Variants in ZSWIM6 observed in about 807,000 individuals in gnomAD.
ZSWIM6 encodes the protein zinc finger SWIM-type containing 6.
Under a neutral mutation model 113.2 loss-of-function variants are expected in ZSWIM6, and 9 were observed. The observed-to-expected ratio is 0.08, with a 90% confidence interval of 0.05 to 0.14. The LOEUF (loss-of-function observed/expected upper bound fraction) is 0.14. Among genes scored for constraint, ZSWIM6 ranks in the 10% least tolerant of loss-of-function variants. The pLI is 1.00. For synonymous variants in ZSWIM6, 611 were observed against 606.5 expected (o/e 1.01, Z -0.11); for missense variants, 1,162 against 1,552.2 (o/e 0.75, Z 4.22).
chr5:61,505,835 A>G (rs1323373016), intron 4 of ZSWIM6, among the ~76,000 whole-genome samples: 2 of 149,016 alleles, frequency 1.3e-5, no homozygotes, highest in African/African-American at 5.0e-5. Context: ...TGTAAGCTCC[A>G]CCTCCCTGGT....
At position 61,332,534 on chromosome 5, in the gene ZSWIM6, A is replaced by C; in HGVS notation, c.262A>C (p.Lys88Gln). 7.5e-7 allele frequency: 1 copy of C among 1,338,266 alleles called. No individual in the cohort carries two copies. The highest frequency in any genetic ancestry group is 9.8e-7 in the Non-Finnish European group (1 of 1,016,690). The allele number at this position is 1,338,266 out of a possible 1,614,324, so 82.9% of individuals were successfully genotyped here. A position where few individuals can be genotyped will look rare whatever the true frequency, so the allele number is the denominator to read the frequency against. Residue 88 changes from lysine (K) to glutamine (Q), a missense_variant, in exon 1 of 14, where the codon AAG becomes CAG. By Grantham distance (53) the Lys-to-Gln change is moderately conservative. Around this residue, in one of 4 missense-constraint regions of ZSWIM6, gnomAD observed 333 missense variants for 293.4 expected, o/e 1.13. Transcript: ENST00000252744. ...LDIAARRVAE[K>Q]WPFQRVEERF... ...CATCGCGGCGCGCAGGGTGGCGGAG[A>C]AGTGGCCGTTCCAGCGCGTGGAGGA...
intron 7 of ZSWIM6, among the ~76,000 whole-genome samples, chr5:61,529,503 A>G (rs1749374295): frequency 6.6e-6 from 1 of 152,238 alleles, no homozygotes; most frequent in Non-Finnish European, 1.5e-5. Flanking sequence ...ATTTAAGGAT[A>G]TTCATGTGGG....
chr5:61,446,886 T>C (rs1246441619), intron 1 of ZSWIM6, among the ~76,000 whole-genome samples: 1 of 152,174 alleles, frequency 6.6e-6, no homozygotes, highest in Admixed American at 6.6e-5. Context: ...TAGCTTTTAC[T>C]TCAGAACCCT....
At chr5:61,404,943 G>A (rs1746016665) in intron 1 of ZSWIM6, among the ~76,000 whole-genome samples, 1 of 152,154 alleles carries the variant, frequency 6.6e-6, no homozygotes, top group East Asian at 1.9e-4. Context: ...TGTAGGATAT[G>A]TTTCCCACCC....
chr5:61,482,363 TA>T (rs67559913), intron 2 of ZSWIM6, among the ~76,000 whole-genome samples: 19,454 of 151,522 alleles, frequency 0.13, 1,413 homozygotes, highest in Middle Eastern at 0.18. Context: ...CGTGGGGGGT[TA>T]GGGGAGGGAT....
intron 4 of ZSWIM6, among the ~76,000 whole-genome samples, chr5:61,515,787 C>T (rs1374224452): frequency 6.6e-6 from 1 of 152,098 alleles, no homozygotes; most frequent in Non-Finnish European, 1.5e-5. Context: ...GTGGATTTGT[C>T]TGTTTCTCCT....
intron 1 of ZSWIM6, among the ~76,000 whole-genome samples, chr5:61,338,640 C>T (rs900306622): frequency 4.6e-5 from 7 of 152,116 alleles, no homozygotes; most frequent in African/African-American, 1.7e-4. Context: ...TAATATTGCT[C>T]CATTGAGAAA....
intron 1 of ZSWIM6, among the ~76,000 whole-genome samples, chr5:61,464,957 C>T (rs1049893438): frequency 2.6e-4 from 39 of 152,034 alleles, no homozygotes; most frequent in African/African-American, 8.7e-4. Flanking sequence ...ATTTTGGGAC[C>T]CAGGTGAGAG....
intron 1 of ZSWIM6, among the ~76,000 whole-genome samples, chr5:61,453,239 T>G (rs1360078725): frequency 6.6e-6 from 1 of 152,218 alleles, no homozygotes; most frequent in African/African-American, 2.4e-5. Flanking sequence ...GTATGTATTT[T>G]ACTATGTACA....
At chr5:61,414,915 C>T (rs888042759) in intron 1 of ZSWIM6, among the ~76,000 whole-genome samples, 2 of 152,162 alleles carry the variant, frequency 1.3e-5, no homozygotes, top group African/African-American at 4.8e-5. Context: ...CATCTAATCC[C>T]TTTCTCTGTG....
chr5:61,340,458 A>G (rs1387047050), intron 1 of ZSWIM6, among the ~76,000 whole-genome samples: 1 of 152,210 alleles, frequency 6.6e-6, no homozygotes, highest in Non-Finnish European at 1.5e-5. Context: ...ACCCCTCTGT[A>G]CAGATCCACA....
Position 61,526,184 on chromosome 5 carries a change from A to C in ZSWIM6, c.1691-66A>C. On this transcript the variant is annotated intron_variant, in intron 6 of 13. Coordinates refer to ENST00000252744, the MANE Select transcript of ZSWIM6 (RefSeq NM_020928.2). The stretch of plus-strand genomic sequence containing the variant: ...AGTATTTTGGGAGAAACATCTTACT[A>C]TTAAATTCTTTTTTTATGGATATAT... 10 of 1,490,264 alleles carry C rather than the reference A, an allele frequency of 6.7e-6. No individual in the cohort carries two copies. In the South Asian group the frequency reaches 1.2e-4, roughly 18 times the overall value. 92.3% of individuals were successfully genotyped at this position (1,490,264 alleles called of 1,614,324 possible).
At chr5:61,498,771 A>G (rs985663029) in intron 4 of ZSWIM6, among the ~76,000 whole-genome samples, 8 of 152,176 alleles carry the variant, frequency 5.3e-5, no homozygotes, top group Admixed American at 4.6e-4. Context: ...AGAAAAACAT[A>G]TGCTTAAGTC....
chr5:61,377,958 C>CA (rs1185498991), intron 1 of ZSWIM6, among the ~76,000 whole-genome samples: 9 of 152,112 alleles, frequency 5.9e-5, no homozygotes, highest in Admixed American at 5.2e-4. Context: ...AAAACTACAC[C>CA]AGATGCCATT....
At chr5:61,464,021 T>C (rs1428829886) in intron 1 of ZSWIM6, among the ~76,000 whole-genome samples, 4 of 152,014 alleles carry the variant, frequency 2.6e-5, no homozygotes, top group Admixed American at 6.5e-5. Context: ...AGATGGGGTT[T>C]CGCTCTTGTT....
At position 61,424,920 on chromosome 5, in the gene ZSWIM6, G is replaced by A. The variant is rs1746435049; in HGVS notation, c.677-47761G>A. On this transcript the variant is annotated intron_variant, in intron 1 of 13. Coordinates refer to ENST00000252744, the MANE Select transcript of ZSWIM6 (RefSeq NM_020928.2). ...TTTTTGTATTCTTAGTAGAGACAGG[G>A]TTTCATTATGTTGACCAGGCTGGTC... Among the ~76,000 whole-genome samples the A allele has an allele frequency of 2.6e-5, 4 of 151,906 alleles. No homozygotes were observed. In the South Asian group the frequency reaches 8.3e-4, roughly 32 times the overall value.
At chr5:61,333,861 G>A (rs544853690) in intron 1 of ZSWIM6, among the ~76,000 whole-genome samples, 1 of 152,208 alleles carries the variant, frequency 6.6e-6, no homozygotes, top group South Asian at 2.1e-4. Flanking sequence ...TGCCCCGGGC[G>A]AGCCGCGGTC....
chr5:61,353,184 G>A (rs1744826842), intron 1 of ZSWIM6, among the ~76,000 whole-genome samples: 1 of 152,140 alleles, frequency 6.6e-6, no homozygotes, highest in African/African-American at 2.4e-5. Flanking sequence ...AAATTTTTCA[G>A]TGTCTTGTTT....
chr5:61,533,736 G>A (rs776867672), intron 9 of ZSWIM6, among the ~76,000 whole-genome samples: 1 of 152,186 alleles, frequency 6.6e-6, no homozygotes, highest in Admixed American at 6.5e-5. Flanking sequence ...CTATAGATTT[G>A]CTATAATTAG....
Sources: allele counts gnomAD v4.1 joint callset (sites outside exome capture counted in the v4.1 genomes callset), GRCh38; gene constraint gnomAD v4.1.1; regional missense constraint gnomAD v4.1.1; transcripts MANE v1.5; gene names NCBI Gene and HGNC (gene_info 2026-07-23, HGNC 2026-07-21).